The following OPRM1 variants were observed in gnomAD, a reference collection of about 807,000 sequenced individuals.
OPRM1 encodes the protein opioid receptor mu 1, also known as mu-type opioid receptor.
Under a neutral mutation model 31.8 loss-of-function variants are expected in OPRM1, and 27 were observed. That is an observed-to-expected ratio of 0.85 (90% confidence interval 0.63 to 1.17). The LOEUF is 1.17. Among genes scored for constraint, OPRM1 ranks in the 50% most tolerant of loss-of-function variants. OPRM1 has a pLI of 0.00. For synonymous variants in OPRM1, 196 were observed against 189.9 expected, an observed-to-expected ratio of 1.03 and a Z score of -0.26; for missense variants, 536 against 511.1, an observed-to-expected ratio of 1.05 and a Z score of -0.47.
At chr6:154,099,329 A>AGGG in intron 3 of OPRM1, among the ~76,000 whole-genome samples, 1 of 119,466 alleles carries the variant, frequency 8.4e-6, no homozygotes, top group South Asian at 3.5e-4. Flanking sequence ...GGAAGGAAGG[A>AGGG]AGGGAGGGAG....
chr6:154,189,414 C>A (rs909650508), intron 3 of OPRM1, among the ~76,000 whole-genome samples: 1 of 151,754 alleles, frequency 6.6e-6, no homozygotes, highest in Admixed American at 6.6e-5. Context: ...CATATGTGGA[C>A]CAAAATACAT....
exon 1 of OPRM1, chr6:154,010,831 T>A: frequency 1.8e-5 from 24 of 1,368,706 alleles, no homozygotes; most frequent in Non-Finnish European, 2.3e-5. Flanking sequence ...GGCTCCTGCT[T>A]TTCCTGTAAT....
At chr6:154,194,927 C>G (rs1468352906) in intron 3 of OPRM1, among the ~76,000 whole-genome samples, 1 of 151,998 alleles carries the variant, frequency 6.6e-6, no homozygotes, top group Non-Finnish European at 1.5e-5. Flanking sequence ...AACAAGATTA[C>G]TAGGTAATGT....
intron 3 of OPRM1, among the ~76,000 whole-genome samples, chr6:154,139,938 G>T (rs1057421059): frequency 3.3e-5 from 5 of 152,100 alleles, no homozygotes; most frequent in Non-Finnish European, 7.4e-5. Flanking sequence ...TTATCTCTTG[G>T]GGGGAACAAA....
intron 3 of OPRM1, among the ~76,000 whole-genome samples, chr6:154,203,809 T>C (rs1777265325): frequency 6.6e-6 from 1 of 152,186 alleles, no homozygotes; most frequent in African/African-American, 2.4e-5. Context: ...TGACAAAGAA[T>C]TGGCCAGAAC....
In OPRM1 at chr6:154,187,887, G is replaced by A. The variant is rs942757037; in HGVS notation, c.1165-58806G>A. 4.6e-5 allele frequency among the ~76,000 whole-genome samples: 7 copies of A among 152,118 alleles called. No individual in the cohort carries two copies. In the East Asian group the frequency reaches 1.3e-3, roughly 29 times the overall value. ...AAAAGTACCTACTTCTAACTTGGTG[G>A]CAGAGGTGATGAAAAAGTACCTACT... is the stretch of plus-strand genomic sequence containing the variant. On this transcript the variant is annotated intron_variant, in intron 3 of 3. Transcript: ENST00000337049.
intron 3 of OPRM1, among the ~76,000 whole-genome samples, chr6:154,195,032 C>T (rs897037211): frequency 6.6e-6 from 1 of 152,120 alleles, no homozygotes; most frequent in African/African-American, 2.4e-5. Context: ...CCCTTCCTTC[C>T]CGTCTCCACT....
intron 3 of OPRM1, among the ~76,000 whole-genome samples, chr6:154,187,410 G>A (rs1039388083): frequency 6.6e-6 from 1 of 151,902 alleles, no homozygotes. Context: ...TTTGGCTTTC[G>A]TTTGCTTTTT....
At chr6:154,176,444 C>T (rs150642924) in intron 3 of OPRM1, among the ~76,000 whole-genome samples, 10,085 of 152,282 alleles carry the variant, frequency 0.066, 459 homozygotes, top group Middle Eastern at 0.11. Flanking sequence ...AGCCCAAAAT[C>T]TCCTTAAGCT....
intron 3 of OPRM1, among the ~76,000 whole-genome samples, chr6:154,205,102 C>T (rs988616493): frequency 6.6e-6 from 1 of 152,194 alleles, no homozygotes; most frequent in Non-Finnish European, 1.5e-5. Flanking sequence ...GCAGTATCCT[C>T]TCCACTCCCA....
intron 3 of OPRM1, among the ~76,000 whole-genome samples, chr6:154,230,729 C>T (rs891709228): frequency 1.3e-5 from 2 of 152,140 alleles, no homozygotes; most frequent in Non-Finnish European, 2.9e-5. Context: ...TTCCTTAATT[C>T]TAAAACCCTG....
chr6:154,140,480 G>A (rs1191740367), intron 3 of OPRM1, among the ~76,000 whole-genome samples: 1 of 152,090 alleles, frequency 6.6e-6, no homozygotes. Context: ...ACAGGCGTGT[G>A]CCACCACACC....
At chr6:154,210,262 T>C (rs1420504794) in intron 3 of OPRM1, among the ~76,000 whole-genome samples, 2 of 152,306 alleles carry the variant, frequency 1.3e-5, no homozygotes, top group Non-Finnish European at 2.9e-5. Flanking sequence ...AGTTTGCCAT[T>C]ATAAAACTGA....
chr6:154,101,044 T>C (rs1015543357), intron 3 of OPRM1, among the ~76,000 whole-genome samples: 2 of 151,462 alleles, frequency 1.3e-5, no homozygotes, highest in African/African-American at 4.8e-5. Flanking sequence ...TCCTTTAAGA[T>C]GTAATAGAAA....
chr6:154,066,002 T>A (rs1223291548), intron 1 of OPRM1, among the ~76,000 whole-genome samples: 2 of 152,210 alleles, frequency 1.3e-5, no homozygotes, highest in Non-Finnish European at 2.9e-5. Context: ...TAACAAATAC[T>A]TTTTCTGAAT....
At chr6:154,115,899 A>C (rs1432803397) in intron 3 of OPRM1, among the ~76,000 whole-genome samples, 1 of 152,316 alleles carries the variant, frequency 6.6e-6, no homozygotes, top group African/African-American at 2.4e-5. Flanking sequence ...CGATCATCCG[A>C]TCATTCCCTT....
At chr6:154,202,838 A>C (rs957241606) in intron 3 of OPRM1, among the ~76,000 whole-genome samples, 1 of 151,248 alleles carries the variant, frequency 6.6e-6, no homozygotes, top group Admixed American at 6.6e-5. Context: ...TTCATTTTTA[A>C]ATGGAGAAAA....
In OPRM1 at chr6:154,125,856, A is replaced by G. The variant is rs1373843898; in HGVS notation, c.*7135A>G. ...CTCGCTCTGTCGCCCAGGCTGGAGT[A>G]CAGTGGCGGGATCTCGGCTCACTGC... On this transcript the variant is annotated 3_prime_UTR_variant, in exon 4 of 4. Transcript: ENST00000330432. Among the ~76,000 whole-genome samples, 705 of 28,702 alleles carry G rather than the reference A, an allele frequency of 0.025. 221 individuals carry two copies. Among genetic ancestry groups the G allele is most frequent in the African/African-American group, 0.047 (658 of 14,014 alleles). 18.8% of individuals were successfully genotyped at this position (28,702 alleles called of 152,430 possible).
At chr6:154,110,401 C>T in intron 3 of OPRM1, 1 of 1,509,660 alleles carries the variant, frequency 6.6e-7, no homozygotes, top group Non-Finnish European at 9.0e-7. Context: ...TGTGAGCATA[C>T]CAAGGGCTAA....
Sources: gnomAD v4.1 joint callset for allele counts (sites outside exome capture counted in the v4.1 genomes callset) on GRCh38, gnomAD v4.1.1 for gene constraint, MANE v1.5 for transcripts, NCBI Gene and HGNC (gene_info 2026-07-23, HGNC 2026-07-21) for gene names.